RBM27: variants seen among roughly 807,000 people sequenced by gnomAD.
The protein encoded by RBM27 is RNA-binding protein 27.
RBM27 carries 22 observed loss-of-function variants against 135.3 expected under a neutral mutation model. The ratio of observed to expected loss-of-function variants is 0.16; its 90% CI spans 0.12 to 0.23. The LOEUF is 0.23. Among genes scored for constraint, RBM27 ranks in the 10% least tolerant of loss-of-function variants. The probability of loss-of-function intolerance (pLI) is 1.00; values close to 1 mark genes in which losing one functional copy is unlikely to be tolerated. For missense variants in RBM27, 1,009 were observed against 1,281.0 expected (o/e 0.79, Z 3.24); for synonymous variants, 481 against 442.4 (o/e 1.09, Z -1.10).
chr5:146,224,356 A>AT (rs1412389055), intron 3 of RBM27, among the ~76,000 whole-genome samples: 2 of 152,158 alleles, frequency 1.3e-5, no homozygotes, highest in Non-Finnish European at 2.9e-5. Context: ...GGTAAAATGA[A>AT]TTTTTAATTT....
rs569920914 is a variant in RBM27, at chr5:146,260,889, T to C, written c.1884T>C (p.Val628=). The C allele has an allele frequency of 6.2e-7, 1 of 1,608,940 alleles. No individual in the cohort carries two copies. Among genetic ancestry groups the C allele is most frequent in the East Asian group, 2.2e-5 (1 of 44,832 alleles). Residue 628 remains valine (V), a synonymous_variant, in exon 12 of 21, where the codon GTT becomes GTC. Transcript: ENST00000265271. The part of the protein sequence containing the change: ...NEHFSKFGTI[V]NIQVAFKGDP... The stretch of plus-strand genomic sequence containing the variant: ...ACTTCAGCAAATTTGGAACTATTGT[T>C]AATATCCAGGTAAATGTGGCTATGT...
chr5:146,217,507 C>T (rs1422033389), intron 1 of RBM27, among the ~76,000 whole-genome samples: 1 of 116,364 alleles, frequency 8.6e-6, no homozygotes, highest in Non-Finnish European at 1.6e-5. Flanking sequence ...CAAGGTCTCA[C>T]TCTGTTGCCT....
chr5:146,255,448 T>G (rs998765645), intron 10 of RBM27, among the ~76,000 whole-genome samples: 4 of 152,186 alleles, frequency 2.6e-5, no homozygotes, highest in African/African-American at 9.7e-5. Context: ...GAACTGATCA[T>G]TGAAGGACCT....
At chr5:146,235,611 T>G (rs1757123192) in intron 7 of RBM27, among the ~76,000 whole-genome samples, 1 of 152,204 alleles carries the variant, frequency 6.6e-6, no homozygotes, top group Non-Finnish European at 1.5e-5. Context: ...TGGAGGGATT[T>G]AATGCATATG....
chr5:146,267,827 G>A, intron 15 of RBM27, 59 bp downstream of exon 15: 1 of 1,528,960 alleles, frequency 6.5e-7, no homozygotes, highest in Non-Finnish European at 8.9e-7. Flanking sequence ...TTTTTAAGTG[G>A]TTACATTATC....
intron 14 of RBM27, among the ~76,000 whole-genome samples, chr5:146,264,926 C>T (rs1345497433): frequency 6.6e-6 from 1 of 152,038 alleles, no homozygotes; most frequent in African/African-American, 2.4e-5. Context: ...AAGATCTGAT[C>T]CTTTTTTTAA....
At position 146,284,643 on chromosome 5, in the gene RBM27, T is replaced by C. The variant is rs541349093; in HGVS notation, c.3010T>C (p.Phe1004Leu). The change falls in exon 20 of 21, where the codon TTT becomes CTT. Residue 1004 changes from phenylalanine to leucine, a missense_variant. This residue lies in a region of RBM27 where 355 missense variants were observed against 427.3 expected (regional missense o/e 0.83). Transcript: ENST00000265271. Reference sequence around the variant, plus strand: ...TTAGACCGCAAACCAAGGGCCAAAATTTAAAGACCGTCGGCTACAGATATC... The same window carrying C: ...TTAGACCGCAAACCAAGGGCCAAAACTTAAAGACCGTCGGCTACAGATATC... ...HFSTANQGPK[F>L]KDRRLQISWH... 2 of 1,613,104 alleles carry C rather than the reference T, an allele frequency of 1.2e-6. No individual in the cohort carries two copies. Among genetic ancestry groups the C allele is most frequent in the African/African-American group, 1.3e-5 (1 of 74,990 alleles).
Position 146,271,029 on chromosome 5 carries a change from C to T in RBM27, c.2767C>T (p.Arg923Trp), listed in dbSNP as rs777372215. ...LSSGEDTTELRKKLSQLQVEA... is the reference protein window; with the variant it reads ...LSSGEDTTELWKKLSQLQVEA... ...CTCAGGAGAAGACACCACAGAATTACGGAAAAAACTCAGTCAGTTACAGGT... is the reference window on the plus strand; with the variant it reads ...CTCAGGAGAAGACACCACAGAATTATGGAAAAAACTCAGTCAGTTACAGGT... The change falls in exon 18 of 21, where the codon CGG becomes TGG. Residue 923 changes from arginine (R) to tryptophan (W), a missense_variant. Physicochemically the swap from Arg to Trp is moderately radical, Grantham distance 101. Around this residue, in one of 6 missense-constraint regions of RBM27, gnomAD observed 355 missense variants for 427.3 expected, o/e 0.83. Transcript: ENST00000265271. 13 of 1,613,112 alleles carry T rather than the reference C, an allele frequency of 8.1e-6. No individual in the cohort carries two copies. The highest frequency in any genetic ancestry group is 1.6e-4 in the Middle Eastern group (1 of 6,080).
intron 5 of RBM27, 119 bp downstream of exon 5, chr5:146,230,029 A>C: frequency 8.4e-7 from 1 of 1,189,398 alleles, no homozygotes; most frequent in Non-Finnish European, 1.2e-6. Flanking sequence ...TAAAAACTGG[A>C]ATTGTCTCAA....
At chr5:146,230,045 T>C in intron 5 of RBM27, 135 bp downstream of exon 5, 1 of 1,012,386 alleles carries the variant, frequency 9.9e-7, no homozygotes, top group Non-Finnish European at 1.4e-6. Context: ...CTCAAGAAGC[T>C]CAATATCCAT....
Position 146,230,932 on chromosome 5 carries a change from C to G in RBM27, c.850+15C>G. ...AGATTATGATGGTAAAAATCACCACCTTTTCTCATATTGTGCCCAAAAGTA... is the reference window on the plus strand; with the variant it reads ...AGATTATGATGGTAAAAATCACCACGTTTTCTCATATTGTGCCCAAAAGTA... On this transcript the variant is annotated intron_variant, in intron 6 of 20. Transcript: ENST00000265271. 6.2e-7 allele frequency: 1 copy of G among 1,612,426 alleles called. No individual in the cohort carries two copies.
At position 146,286,253 on chromosome 5, in the gene RBM27, G is replaced by A. The variant is rs796469424; in HGVS notation, c.*223G>A. On this transcript the variant is annotated 3_prime_UTR_variant, in exon 21 of 21. Coordinates refer to ENST00000265271, the MANE Select transcript of RBM27 (RefSeq NM_018989.2). Reference sequence around the variant, plus strand: ...TTTTACACAGTTGTGAAGATCCACAGCAATGACATGGATAATCTCTAGAGC... The same window carrying A: ...TTTTACACAGTTGTGAAGATCCACAACAATGACATGGATAATCTCTAGAGC... 1.2e-4 allele frequency: 44 copies of A among 380,084 alleles called. No homozygotes were observed. Among genetic ancestry groups the A allele is most frequent in the African/African-American group, 9.1e-4 (43 of 47,312 alleles). 23.5% of individuals were successfully genotyped at this position (380,084 alleles called of 1,614,324 possible).
chr5:146,243,458 T>C (rs72806113), intron 8 of RBM27, among the ~76,000 whole-genome samples: 10,173 of 152,186 alleles, frequency 0.067, 387 homozygotes, highest in African/African-American at 0.082. Flanking sequence ...TACTTACTCA[T>C]TGAAGCATTT....
At chr5:146,284,496 A>G in intron 19 of RBM27, 126 bp from the exon 20 acceptor site, 10 of 694,784 alleles carry the variant, frequency 1.4e-5, no homozygotes, top group Non-Finnish European at 2.1e-5. Flanking sequence ...CTCATTGGAG[A>G]TTGTAGATCC....
chr5:146,253,955 C>T (rs1286947684), intron 9 of RBM27, among the ~76,000 whole-genome samples: 5 of 152,082 alleles, frequency 3.3e-5, no homozygotes, highest in African/African-American at 1.2e-4. Context: ...CGTGTATGTG[C>T]GCGTGTGTGC....
chr5:146,246,383 A>G (rs549927926), intron 8 of RBM27, among the ~76,000 whole-genome samples: 171 of 152,244 alleles, frequency 1.1e-3, no homozygotes, highest in Non-Finnish European at 2.1e-3. Flanking sequence ...TGTTACCTAT[A>G]TGAACAATTT....
chr5:146,271,003 C>A lies in RBM27; in HGVS notation c.2741C>A (p.Ser914Tyr). 1 of 1,613,738 alleles carries A rather than the reference C, an allele frequency of 6.2e-7. No individual in the cohort carries two copies. Among genetic ancestry groups the A allele is most frequent in the South Asian group, 1.1e-5 (1 of 91,060 alleles). Residue 914 changes from serine (S) to tyrosine (Y), a missense_variant, in exon 18 of 21, where the codon TCC becomes TAC. Ser to Tyr is a moderately radical substitution (Grantham distance 144). This residue lies in a region of RBM27 where 355 missense variants were observed against 427.3 expected (regional missense o/e 0.83). Transcript: ENST00000265271. The part of the protein sequence containing the change: ...DTELDLHKRL[S>Y]SGEDTTELRK... The stretch of plus-strand genomic sequence containing the variant: ...GAACTGGACCTCCACAAGAGGCTGT[C>A]CTCAGGAGAAGACACCACAGAATTA...
intron 15 of RBM27, 137 bp from the exon 16 acceptor site, chr5:146,269,070 T>C (rs1030698195): frequency 1.7e-5 from 9 of 532,928 alleles, no homozygotes; most frequent in African/African-American, 1.3e-4. Context: ...AGGGAAAATA[T>C]ATTCAAAGGT....
intron 14 of RBM27, among the ~76,000 whole-genome samples, chr5:146,265,425 A>G (rs1003094773): frequency 2.0e-5 from 3 of 152,242 alleles, no homozygotes; most frequent in Non-Finnish European, 2.9e-5. Context: ...GAAAAAAACC[A>G]AAAAGATAAT....
Sources: gnomAD v4.1 joint callset for allele counts (sites outside exome capture counted in the v4.1 genomes callset) on GRCh38, gnomAD v4.1.1 for gene constraint, gnomAD v4.1.1 regional missense constraint, MANE v1.5 for transcripts, NCBI Gene and HGNC (gene_info 2026-07-23, HGNC 2026-07-21) for gene names.